Variants in DPH6 observed in about 807,000 individuals in gnomAD.
The protein encoded by DPH6 is diphthine--ammonia ligase.
In DPH6, 33 loss-of-function variants were observed where a neutral mutation model predicts 38.2. The ratio of observed to expected loss-of-function variants is 0.86; its 90% CI spans 0.65 to 1.15. DPH6 has a LOEUF of 1.15. DPH6 is among the 50% of genes most tolerant of loss of function. The pLI is 0.00. For missense variants in DPH6, 325 were observed against 320.0 expected, an observed-to-expected ratio of 1.02 and a Z score of -0.12; for synonymous variants, 108 against 103.0, an observed-to-expected ratio of 1.05 and a Z score of -0.30.
chr15:35,357,033 T>G (rs994735091), intron 3 of DPH6, among the ~76,000 whole-genome samples: 3 of 152,188 alleles, frequency 2.0e-5, no homozygotes, highest in African/African-American at 7.2e-5. Context: ...GATCTCAGAC[T>G]GCTGTGCTAG....
intron 7 of DPH6, among the ~76,000 whole-genome samples, chr15:35,376,702 A>AT (rs2052785998): frequency 6.6e-6 from 1 of 151,984 alleles, no homozygotes; most frequent in South Asian, 2.1e-4. Flanking sequence ...TTTATATCAT[A>AT]TTTTTACTGT....
the DPH6 span, among the ~76,000 whole-genome samples, chr15:35,161,047 G>A: frequency 2.6e-5 from 4 of 151,904 alleles, no homozygotes; most frequent in South Asian, 2.1e-4. Flanking sequence ...GCTAAATGAC[G>A]AGTTAATGGG....
chr15:35,267,432 C>T (rs1322452696), intron 3 of DPH6, among the ~76,000 whole-genome samples: 1 of 152,162 alleles, frequency 6.6e-6, no homozygotes, highest in African/African-American at 2.4e-5. Context: ...ACCTATCAGG[C>T]AAAGGGATAC....
chr15:35,175,179 C>A, the DPH6 span, among the ~76,000 whole-genome samples: 1 of 152,124 alleles, frequency 6.6e-6, no homozygotes, highest in Non-Finnish European at 1.5e-5. Flanking sequence ...CTGTACATTG[C>A]CTGACCTCTG....
At chr15:35,352,168 T>A (rs1165992069) in intron 3 of DPH6, among the ~76,000 whole-genome samples, 1 of 152,254 alleles carries the variant, frequency 6.6e-6, no homozygotes, top group East Asian at 1.9e-4. Flanking sequence ...GTCTTTATGT[T>A]TAGCTTTCAT....
chr15:35,202,017 T>G, the DPH6 span, among the ~76,000 whole-genome samples: 2 of 151,850 alleles, frequency 1.3e-5, no homozygotes, highest in African/African-American at 4.8e-5. Context: ...ATATATTTCC[T>G]GAAAATGAGA....
At chr15:35,258,048 A>G (rs1266242779) in intron 3 of DPH6, among the ~76,000 whole-genome samples, 1 of 152,116 alleles carries the variant, frequency 6.6e-6, no homozygotes, top group Non-Finnish European at 1.5e-5. Flanking sequence ...TTATTTTATG[A>G]TATCTTCTAT....
At chr15:35,386,070 C>T (rs1347504549) in intron 6 of DPH6, among the ~76,000 whole-genome samples, 13 of 152,026 alleles carry the variant, frequency 8.6e-5, no homozygotes, top group Admixed American at 5.9e-4. Flanking sequence ...TTGTTCAATT[C>T]CCACCTATGG....
intron 3 of DPH6, among the ~76,000 whole-genome samples, chr15:35,287,857 G>A (rs2051954045): frequency 6.6e-6 from 1 of 152,134 alleles, no homozygotes; most frequent in Admixed American, 6.5e-5. Flanking sequence ...ATGTCTTTGT[G>A]CAGTAGAAGC....
At chr15:35,520,369 A>G (rs1346404064) in intron 3 of DPH6, 2 of 983,720 alleles carry the variant, frequency 2.0e-6, no homozygotes, top group Non-Finnish European at 2.4e-6. Context: ...CTATTATACA[A>G]CAGTATCAGG....
intron 8 of DPH6, 54 bp from the exon 9 acceptor site, chr15:35,372,257 T>A: frequency 1.5e-6 from 2 of 1,339,158 alleles, no homozygotes; most frequent in Non-Finnish European, 2.0e-6. Context: ...TTATTCAGTG[T>A]CAGTGAATAT....
At chr15:35,536,176 T>C (rs1390964248) in intron 3 of DPH6, among the ~76,000 whole-genome samples, 1 of 152,048 alleles carries the variant, frequency 6.6e-6, no homozygotes, top group Non-Finnish European at 1.5e-5. Context: ...AATTACTCAG[T>C]TATTCATTAG....
At chr15:35,478,841 C>A (rs1053144249) in intron 3 of DPH6, among the ~76,000 whole-genome samples, 4 of 151,982 alleles carry the variant, frequency 2.6e-5, no homozygotes, top group Non-Finnish European at 5.9e-5. Context: ...GATAGGCTGG[C>A]AACCCCTTAA....
intron 3 of DPH6, among the ~76,000 whole-genome samples, chr15:35,344,732 T>C (rs907055820): frequency 1.3e-5 from 2 of 151,844 alleles, no homozygotes; most frequent in Non-Finnish European, 3.0e-5. Flanking sequence ...ACTGAATAAC[T>C]TTATTCAGCT....
chr15:35,154,925 A>G, the DPH6 span, among the ~76,000 whole-genome samples: 2 of 152,216 alleles, frequency 1.3e-5, no homozygotes, highest in Admixed American at 6.5e-5. Context: ...AGCAAAAAAT[A>G]TCTATTCATT....
exon 4 of DPH6, chr15:35,220,548 TC>T (rs1345984170): frequency 1.3e-5 from 2 of 152,228 alleles, no homozygotes; most frequent in Non-Finnish European, 2.9e-5. Flanking sequence ...GTGAGAGCCT[TC>T]TTGCTGCATC....
intron 6 of DPH6, among the ~76,000 whole-genome samples, chr15:35,405,727 G>A (rs1049375797): frequency 6.6e-6 from 1 of 152,040 alleles, no homozygotes; most frequent in African/African-American, 2.4e-5. Context: ...AAGACTTCCA[G>A]TACTATGTTG....
At chr15:35,394,378 T>A (rs1171602155) in intron 6 of DPH6, among the ~76,000 whole-genome samples, 1 of 152,172 alleles carries the variant, frequency 6.6e-6, no homozygotes, top group Non-Finnish European at 1.5e-5. Context: ...TTTTGCTACT[T>A]CCCAGCTGGG....
intron 3 of DPH6, chr15:35,298,131 C>A (rs78517473): frequency 0.018 from 6,316 of 345,662 alleles, 94 homozygotes; most frequent in Non-Finnish European, 0.025. Flanking sequence ...TCTTACAAGT[C>A]CCTCCAAGAG....
Sources: gnomAD v4.1 joint callset for allele counts (sites outside exome capture counted in the v4.1 genomes callset) on GRCh38, gnomAD v4.1.1 for gene constraint, MANE v1.5 for transcripts, NCBI Gene and HGNC (gene_info 2026-07-23, HGNC 2026-07-21) for gene names.